SCGB3A2: variants seen among roughly 807,000 people sequenced by gnomAD.
The protein encoded by SCGB3A2 is pneumo secretory protein 1.
In SCGB3A2, 5 loss-of-function variants were observed where a neutral mutation model predicts 7.7. The observed-to-expected ratio is 0.65, with a 90% CI of 0.34 to 1.36. SCGB3A2 has a LOEUF of 1.36. Ranked by LOEUF, SCGB3A2 falls within the 40% of genes most tolerant of loss-of-function variation. SCGB3A2 has a pLI of 0.04. For synonymous variants in SCGB3A2, 44 were observed against 42.7 expected (o/e 1.03, Z -0.12); for missense variants, 109 against 103.6 (o/e 1.05, Z -0.23).
In SCGB3A2 at chr5:147,878,723, G is replaced by T. The variant is rs1444370174; in HGVS notation, c.-81G>T. 3 of 1,052,490 alleles carry T rather than the reference G, an allele frequency of 2.9e-6. No homozygotes were observed. The highest frequency in any genetic ancestry group is 4.5e-6 in the Non-Finnish European group (3 of 668,694). 65.2% of individuals were successfully genotyped at this position (1,052,490 alleles called of 1,614,324 possible). On this transcript the variant is annotated 5_prime_UTR_variant, in exon 1 of 3. Coordinates refer to ENST00000296694, the MANE Select transcript of SCGB3A2 (RefSeq NM_054023.5). ...AAAAGCAGCCATCACACTTTGTATG[G>T]CAAGTGGAACCACTGGCTTGGTGGA...
chr5:147,881,417 G>T, intron 1 of SCGB3A2, 29 bp from the exon 2 acceptor site: 1 of 1,585,572 alleles, frequency 6.3e-7, no homozygotes, highest in Non-Finnish European at 8.7e-7. Flanking sequence ...AGATGTGCCT[G>T]TCTCACCTGG....
At position 147,881,940 on chromosome 5, in the gene SCGB3A2, CA is replaced by C. The variant is rs1188776393; in HGVS notation, c.259-84del. On this transcript the variant is annotated intron_variant, in intron 2 of 2. Transcript: ENST00000296694. ...GTTTCCCCATCAGTAAAATAGTGGC[CA>C]AACAGGACACTGGAAGTGAATATGT... is the stretch of plus-strand genomic sequence containing the variant. 6.3e-6 allele frequency: 9 copies of C among 1,435,222 alleles called. No individual in the cohort carries two copies. The East Asian group carries it at 2.0e-4, about 33-fold the overall frequency. The allele number at this position is 1,435,222 out of a possible 1,614,324, so 88.9% of individuals were successfully genotyped here. A position where few individuals can be genotyped will look rare whatever the true frequency, so the allele number is the denominator to read the frequency against.
chr5:147,880,593 T>A (rs1757331953), intron 1 of SCGB3A2: 1 of 152,232 alleles, frequency 6.6e-6, no homozygotes, highest in African/African-American at 2.4e-5. Context: ...GACATTTGCC[T>A]CAAGACATAG....
At chr5:147,880,058 C>T (rs1185029643) in intron 1 of SCGB3A2, among the ~76,000 whole-genome samples, 1 of 151,322 alleles carries the variant, frequency 6.6e-6, no homozygotes, top group East Asian at 1.9e-4. Context: ...ATACAGGCTC[C>T]ATTTTAATAA....
At chr5:147,880,169 G>A (rs917371139) in intron 1 of SCGB3A2, among the ~76,000 whole-genome samples, 1 of 152,154 alleles carries the variant, frequency 6.6e-6, no homozygotes, top group African/African-American at 2.4e-5. Flanking sequence ...ACATGCATGT[G>A]TGCATTTATA....
chr5:147,879,398 T>C (rs546901297), intron 1 of SCGB3A2, among the ~76,000 whole-genome samples: 1 of 152,340 alleles, frequency 6.6e-6, no homozygotes, highest in East Asian at 1.9e-4. Flanking sequence ...GGGCACTGGA[T>C]AGGCATTGGA....
intron 2 of SCGB3A2, 112 bp from the exon 3 acceptor site, chr5:147,881,914 TG>T (rs776840831): frequency 7.8e-6 from 9 of 1,159,202 alleles, no homozygotes; most frequent in Non-Finnish European, 1.2e-5. Flanking sequence ...TCTGAGTTTT[TG>T]TTTCCCCATC....
rs1393390143 is a variant in SCGB3A2 at position 147,882,031 on chromosome 5, C to A, written c.263C>A (p.Ala88Glu). ...TGTTGTCCTTCTACATTTCAGGAGGCGCTATCACACTTGGTGTGACATCAA... is the reference window on the plus strand; with the variant it reads ...TGTTGTCCTTCTACATTTCAGGAGGAGCTATCACACTTGGTGTGACATCAA... ...ASEAVKKLLEALSHLV is the reference protein window; with the variant it reads ...ASEAVKKLLEELSHLV Residue 88 changes from alanine to glutamate, a missense_variant, in exon 3 of 3, where the codon GCG becomes GAG. Coordinates refer to ENST00000296694, the MANE Select transcript of SCGB3A2 (RefSeq NM_054023.5). 2 of 1,613,622 alleles carry A rather than the reference C, an allele frequency of 1.2e-6. No individual in the cohort carries two copies. The highest frequency in any genetic ancestry group is 2.7e-5 in the African/African-American group (2 of 74,864).
chr5:147,881,579 T>A lies in SCGB3A2; in HGVS notation c.189T>A (p.Leu63=), dbSNP rs1757348910. 6.2e-7 allele frequency: 1 copy of A among 1,613,822 alleles called. No individual in the cohort carries two copies. Among genetic ancestry groups the A allele is most frequent in the Non-Finnish European group, 8.5e-7 (1 of 1,179,902 alleles). Residue 63 remains leucine, a synonymous_variant, in exon 2 of 3, where the codon CTT becomes CTA. Transcript: ENST00000296694. ...CTCTGGGCATTTCTGTTGAGCACCT[T>A]GTGGAGGGGCTAAGGAAGTGTGTAA... ...LKTLGISVEH[L]VEGLRKCVNE... is the part of the protein sequence containing the mutation.
intron 1 of SCGB3A2, among the ~76,000 whole-genome samples, chr5:147,880,419 T>C (rs756361202): frequency 6.6e-6 from 1 of 152,128 alleles, no homozygotes; most frequent in African/African-American, 2.4e-5. Flanking sequence ...GCAGCCTCAC[T>C]CCCTTTATCT....
Position 147,881,698 on chromosome 5 carries a change from C to T in SCGB3A2, c.258+50C>T, listed in dbSNP as rs758219266. ...CTGCCAAAGGGGAGGCATACTCACCCTGAATGTCTAGCTCCTCTTCTTGTC... is the reference window on the plus strand; with the variant it reads ...CTGCCAAAGGGGAGGCATACTCACCTTGAATGTCTAGCTCCTCTTCTTGTC... On this transcript the variant is annotated intron_variant, in intron 2 of 2. Coordinates refer to ENST00000296694, the MANE Select transcript of SCGB3A2 (RefSeq NM_054023.5). The T allele has an allele frequency of 1.2e-5, 17 of 1,401,346 alleles. No individual in the cohort carries two copies. In the South Asian group the frequency reaches 2.1e-4, roughly 17 times the overall value. 86.8% of individuals were successfully genotyped at this position (1,401,346 alleles called of 1,614,324 possible). A position where few individuals can be genotyped will look rare whatever the true frequency, so the allele number is the denominator to read the frequency against.
At position 147,881,450 on chromosome 5, in the gene SCGB3A2, T is replaced by G. The variant is rs1441550145; in HGVS notation, c.60T>G (p.Thr20=). ...TGGTTTCTCTTTTTCCTGCAGCTAC[T>G]GCCTTCCTCATCAACAAAGTGCCCC... ...VTISLCSYSA[T]AFLINKVPLP... Residue 20 remains threonine (T), a synonymous_variant, in exon 2 of 3, where the codon ACT becomes ACG. Transcript: ENST00000296694. 2 of 1,613,722 alleles carry G rather than the reference T, an allele frequency of 1.2e-6. No individual in the cohort carries two copies. The highest frequency in any genetic ancestry group is 1.7e-6 in the Non-Finnish European group (2 of 1,179,768).
chr5:147,879,578 T>G (rs944161200), intron 1 of SCGB3A2, among the ~76,000 whole-genome samples: 3 of 152,114 alleles, frequency 2.0e-5, no homozygotes, highest in African/African-American at 7.2e-5. Context: ...AATTTTCAGG[T>G]AAGGGTATAG....
chr5:147,881,221 G>T, intron 1 of SCGB3A2: 1 of 530,340 alleles, frequency 1.9e-6, no homozygotes, highest in Non-Finnish European at 3.4e-6. Flanking sequence ...GGTAATATTT[G>T]AAGAGAGACC....
At chr5:147,879,927 G>A (rs1757318668) in intron 1 of SCGB3A2, among the ~76,000 whole-genome samples, 1 of 152,240 alleles carries the variant, frequency 6.6e-6, no homozygotes, top group African/African-American at 2.4e-5. Flanking sequence ...GTTCTCTAAT[G>A]TCCAGGGACA....
chr5:147,881,875 C>A, intron 2 of SCGB3A2, 152 bp from the exon 3 acceptor site: 1 of 853,902 alleles, frequency 1.2e-6, no homozygotes, highest in Non-Finnish European at 1.9e-6. Flanking sequence ...CATTTACCAC[C>A]TTCGTGATTT....
chr5:147,880,494 T>A (rs1236129212), intron 1 of SCGB3A2, among the ~76,000 whole-genome samples: 4 of 152,146 alleles, frequency 2.6e-5, no homozygotes, highest in Non-Finnish European at 5.9e-5. Context: ...AGGCTCACCA[T>A]CCTGTGTATG....
At chr5:147,879,924 A>G (rs992742036) in intron 1 of SCGB3A2, among the ~76,000 whole-genome samples, 1 of 152,208 alleles carries the variant, frequency 6.6e-6, no homozygotes, top group Non-Finnish European at 1.5e-5. Context: ...ACTGTTCTCT[A>G]ATGTCCAGGG....
chr5:147,882,055 A>G lies in SCGB3A2; in HGVS notation c.*5A>G. 1.9e-6 allele frequency: 3 copies of G among 1,613,786 alleles called. No individual in the cohort carries two copies. The highest frequency in any genetic ancestry group is 2.2e-5 in the South Asian group (2 of 91,066). Reference sequence around the variant, plus strand: ...GCGCTATCACACTTGGTGTGACATCAAGATAAAGAGCGGAGGTGGATGGGG... The same window carrying G: ...GCGCTATCACACTTGGTGTGACATCGAGATAAAGAGCGGAGGTGGATGGGG... On this transcript the variant is annotated 3_prime_UTR_variant, in exon 3 of 3. Transcript: ENST00000296694.
Sources: allele counts gnomAD v4.1 joint callset (sites outside exome capture counted in the v4.1 genomes callset), GRCh38; gene constraint gnomAD v4.1.1; transcripts MANE v1.5; gene names NCBI Gene and HGNC (gene_info 2026-07-23, HGNC 2026-07-21).